MTREX: variants seen among roughly 807,000 people sequenced by gnomAD.
The protein encoded by MTREX is exosome RNA helicase MTR4.
Under a neutral mutation model 135.4 loss-of-function variants are expected in MTREX, and 76 were observed. The ratio of observed to expected loss-of-function variants is 0.56; its 90% confidence interval spans 0.47 to 0.68. The LOEUF is 0.68. Among genes scored for constraint, MTREX ranks in the 30% least tolerant of loss-of-function variants. The probability of loss-of-function intolerance (pLI) is 0.00; values close to 1 mark genes in which losing one functional copy is unlikely to be tolerated. For missense variants in MTREX, 920 were observed against 1,262.1 expected (o/e 0.73, Z 4.11); for synonymous variants, 404 against 401.6 (o/e 1.01, Z -0.07).
intron 14 of MTREX, among the ~76,000 whole-genome samples, chr5:55,357,685 T>C (rs1241385850): frequency 6.6e-6 from 1 of 152,210 alleles, no homozygotes; most frequent in African/African-American, 2.4e-5. Flanking sequence ...GGCATCAGCA[T>C]TGTGACCTAT....
At chr5:55,357,057 C>T (rs1385204705) in intron 14 of MTREX, 1 of 154,130 alleles carries the variant, frequency 6.5e-6, no homozygotes, top group Non-Finnish European at 1.5e-5. Context: ...TCAGTTGTAT[C>T]AACATGTATA....
At chr5:55,332,965 C>T (rs760649666) in intron 5 of MTREX, among the ~76,000 whole-genome samples, 15 of 151,928 alleles carry the variant, frequency 9.9e-5, no homozygotes, top group Non-Finnish European at 1.6e-4. Context: ...GTCTCATTTT[C>T]AGATTTGTTT....
chr5:55,312,467 T>A (rs777508710), intron 1 of MTREX, among the ~76,000 whole-genome samples: 34 of 152,152 alleles, frequency 2.2e-4, no homozygotes, highest in Admixed American at 2.6e-4. Flanking sequence ...ACCACCACAA[T>A]CAAGATAAAC....
intron 5 of MTREX, 26 bp from the exon 6 acceptor site, chr5:55,339,984 A>G (rs1749617835): frequency 3.5e-6 from 5 of 1,432,522 alleles, no homozygotes; most frequent in Non-Finnish European, 2.8e-6. Context: ...GAAAAGTTGT[A>G]TGATTATTTG....
chr5:55,326,075 C>T (rs578199632), intron 3 of MTREX, among the ~76,000 whole-genome samples: 3 of 152,202 alleles, frequency 2.0e-5, no homozygotes, highest in African/African-American at 7.2e-5. Flanking sequence ...AGACCCTATT[C>T]AGTTATCTGG....
At chr5:55,372,388 A>G (rs907361213) in intron 16 of MTREX, among the ~76,000 whole-genome samples, 1 of 152,154 alleles carries the variant, frequency 6.6e-6, no homozygotes, top group African/African-American at 2.4e-5. Context: ...ACAGTCTGTG[A>G]AAAGGTTGAT....
chr5:55,308,895 A>G (rs1159783832), intron 1 of MTREX, among the ~76,000 whole-genome samples: 1 of 152,200 alleles, frequency 6.6e-6, no homozygotes, highest in African/African-American at 2.4e-5. Context: ...TTGTGGGGCC[A>G]GATACCCAAT....
chr5:55,361,474 A>T (rs1750007499), intron 15 of MTREX, among the ~76,000 whole-genome samples: 1 of 152,212 alleles, frequency 6.6e-6, no homozygotes, highest in African/African-American at 2.4e-5. Flanking sequence ...AAATAATTTA[A>T]TGATTGTGAA....
chr5:55,363,952 G>A (rs1048270197), intron 15 of MTREX, among the ~76,000 whole-genome samples: 1 of 152,116 alleles, frequency 6.6e-6, no homozygotes, highest in Non-Finnish European at 1.5e-5. Context: ...CATAGAAAGC[G>A]AACAGGAAGC....
intron 3 of MTREX, among the ~76,000 whole-genome samples, chr5:55,326,210 A>G (rs1397610773): frequency 6.6e-6 from 1 of 152,146 alleles, no homozygotes; most frequent in Non-Finnish European, 1.5e-5. Context: ...CAGTCTGGCC[A>G]GCATGGTGAA....
intron 1 of MTREX, among the ~76,000 whole-genome samples, chr5:55,309,300 C>G (rs1749061670): frequency 6.6e-6 from 1 of 151,932 alleles, no homozygotes; most frequent in South Asian, 2.1e-4. Flanking sequence ...TTTTTAAAAC[C>G]CTGTTGAACA....
intron 22 of MTREX, among the ~76,000 whole-genome samples, chr5:55,406,347 C>A (rs1218392676): frequency 6.6e-6 from 1 of 152,028 alleles, no homozygotes; most frequent in Non-Finnish European, 1.5e-5. Context: ...GTTAGGACCT[C>A]TCTCTCTCTG....
At chr5:55,355,083 G>A (rs1352743707) in intron 14 of MTREX, among the ~76,000 whole-genome samples, 5 of 152,188 alleles carry the variant, frequency 3.3e-5, no homozygotes, top group Admixed American at 6.5e-5. Flanking sequence ...GGAGAGATGC[G>A]TAGAAGCTCA....
Position 55,327,728 on chromosome 5 carries a change from G to A in MTREX, c.352G>A (p.Ala118Thr). The A allele has an allele frequency of 6.2e-7, 1 of 1,612,978 alleles. No homozygotes were observed. The highest frequency in any genetic ancestry group is 1.1e-5 in the South Asian group (1 of 91,010). The change falls in exon 4 of 27, where the codon GCA becomes ACA. Residue 118 changes from alanine to threonine, a missense_variant. Around this residue, in one of 6 missense-constraint regions of MTREX, gnomAD observed 82 missense variants for 107.4 expected, o/e 0.76. Coordinates refer to ENST00000230640, the MANE Select transcript of MTREX (RefSeq NM_015360.5). ...ACTTTGTTGTCAGGTTGCACTTCCT[G>A]CAGAAGAGGATTATTTACCACTTAA... ...EGCTHEVALP[A>T]EEDYLPLKPR...
chr5:55,376,327 C>T (rs981274166), intron 16 of MTREX, among the ~76,000 whole-genome samples: 1 of 152,210 alleles, frequency 6.6e-6, no homozygotes, highest in South Asian at 2.1e-4. Context: ...TTGCATGCGA[C>T]GTTCAAGACT....
chr5:55,399,146 G>A (rs1360435776), intron 20 of MTREX, among the ~76,000 whole-genome samples: 1 of 152,132 alleles, frequency 6.6e-6, no homozygotes, highest in Non-Finnish European at 1.5e-5. Context: ...AGCCTGCTTT[G>A]ATTAGGGCAG....
At chr5:55,313,876 G>T (rs745330759) in intron 1 of MTREX, among the ~76,000 whole-genome samples, 4 of 151,994 alleles carry the variant, frequency 2.6e-5, no homozygotes, top group Non-Finnish European at 4.4e-5. Flanking sequence ...GTGTCTATCA[G>T]ATGTCTCCAT....
intron 16 of MTREX, among the ~76,000 whole-genome samples, chr5:55,373,967 A>G (rs1022023958): frequency 6.6e-6 from 1 of 152,050 alleles, no homozygotes; most frequent in African/African-American, 2.4e-5. Flanking sequence ...ATGTAACATA[A>G]AAAATACAAA....
intron 15 of MTREX, among the ~76,000 whole-genome samples, chr5:55,362,083 A>ATTTTTTTTTT (rs35074192): frequency 4.6e-4 from 51 of 111,136 alleles, no homozygotes; most frequent in African/African-American, 7.7e-4. Context: ...CGTCTGGCTA[A>ATTTTTTTTTT]TTTTTTTTTT....
Sources: gnomAD v4.1 joint callset for allele counts (sites outside exome capture counted in the v4.1 genomes callset) on GRCh38, gnomAD v4.1.1 for gene constraint, gnomAD v4.1.1 regional missense constraint, MANE v1.5 for transcripts, NCBI Gene and HGNC (gene_info 2026-07-23, HGNC 2026-07-21) for gene names.